TXNRD1: variants seen among roughly 807,000 people sequenced by gnomAD.
The protein encoded by TXNRD1 is thioredoxin reductase 1, cytoplasmic.
TXNRD1 carries 57 observed loss-of-function variants against 80.3 expected under a neutral mutation model. The observed-to-expected ratio is 0.71, with a 90% CI of 0.57 to 0.89. The LOEUF is 0.89. TXNRD1 is among the 40% of genes least tolerant of loss of function. The pLI, the probability that TXNRD1 is intolerant of heterozygous loss-of-function variation, is 0.00. For synonymous variants in TXNRD1, 291 were observed against 285.2 expected, an observed-to-expected ratio of 1.02 and a Z score of -0.20; for missense variants, 730 against 803.0, an observed-to-expected ratio of 0.91 and a Z score of 1.10.
At position 104,287,202 on chromosome 12, in the gene TXNRD1, C is replaced by T. The variant is rs1377694462; in HGVS notation, c.305-1729C>T. The T allele has an allele frequency of 3.1e-6, 5 of 1,594,938 alleles. No individual in the cohort carries two copies. In the East Asian group the frequency reaches 9.0e-5, roughly 29 times the overall value. ...CCTGCCGGCGGGGACGACAGCATTG[C>T]GCCTGGGTGCAGCAGTGTGCGTCTC... On this transcript the variant is annotated intron_variant, in intron 3 of 16. Coordinates refer to ENST00000525566, the MANE Select transcript of TXNRD1 (RefSeq NM_001093771.3).
chr12:104,346,134 T>C (rs558315242), intron 16 of TXNRD1: 1 of 503,078 alleles, frequency 2.0e-6, no homozygotes, highest in South Asian at 1.6e-5. Context: ...TGCCTCAGTC[T>C]CCTGAGTAGC....
At chr12:104,315,170 TG>T (rs2035279997) in intron 6 of TXNRD1, among the ~76,000 whole-genome samples, 1 of 152,184 alleles carries the variant, frequency 6.6e-6, no homozygotes, top group Non-Finnish European at 1.5e-5. Context: ...TGAATTACAA[TG>T]GGGGACTACA....
intron 1 of TXNRD1, among the ~76,000 whole-genome samples, chr12:104,239,656 A>AT (rs113729336): frequency 0.049 from 7,366 of 151,614 alleles, 476 homozygotes; most frequent in African/African-American, 0.15. Flanking sequence ...TAAATTTTGT[A>AT]TTTTTAGTAG....
At chr12:104,239,568 T>C (rs371572676) in intron 1 of TXNRD1, among the ~76,000 whole-genome samples, 2,904 of 152,184 alleles carry the variant, frequency 0.019, 112 homozygotes, top group East Asian at 0.11. Context: ...ATTCCTTTTT[T>C]TTCCCTAGAC....
At chr12:104,231,822 C>T (rs1419418169) in intron 1 of TXNRD1, among the ~76,000 whole-genome samples, 1 of 152,126 alleles carries the variant, frequency 6.6e-6, no homozygotes, top group Non-Finnish European at 1.5e-5. Flanking sequence ...GTTACCCATC[C>T]CTTTTTGTTT....
intron 6 of TXNRD1, among the ~76,000 whole-genome samples, chr12:104,314,291 G>C (rs1457930168): frequency 1.3e-5 from 2 of 152,184 alleles, no homozygotes; most frequent in Non-Finnish European, 2.9e-5. Context: ...GGAGCCATGT[G>C]ATAATATAAG....
At chr12:104,304,087 GC>G (rs762616474) in intron 4 of TXNRD1, 179 of 1,613,866 alleles carry the variant, frequency 1.1e-4, no homozygotes, top group Non-Finnish European at 1.4e-4. Flanking sequence ...TGTACTGCGT[GC>G]GGCAGAACCG....
At chr12:104,269,184 C>G (rs1233513194) in intron 3 of TXNRD1, among the ~76,000 whole-genome samples, 4 of 151,990 alleles carry the variant, frequency 2.6e-5, no homozygotes, top group Non-Finnish European at 4.4e-5. Flanking sequence ...GGATTATAGG[C>G]GTGAACCACT....
intron 5 of TXNRD1, among the ~76,000 whole-genome samples, chr12:104,312,313 G>T (rs1255728620): frequency 6.6e-6 from 1 of 152,142 alleles, no homozygotes; most frequent in African/African-American, 2.4e-5. Context: ...TGAGGCTCCT[G>T]GTTCTGAATC....
intron 16 of TXNRD1, chr12:104,339,513 T>G (rs1026242811): frequency 3.1e-6 from 2 of 640,988 alleles, no homozygotes; most frequent in African/African-American, 3.6e-5. Context: ...GAGCTGTGCC[T>G]TAAATATTTT....
chr12:104,248,348 G>C (rs552426291), intron 1 of TXNRD1, among the ~76,000 whole-genome samples: 1 of 152,140 alleles, frequency 6.6e-6, no homozygotes, highest in African/African-American at 2.4e-5. Flanking sequence ...GCAGTGGTGC[G>C]ATCTTGGCTC....
chr12:104,323,920 A>C (rs1484652886), intron 10 of TXNRD1, among the ~76,000 whole-genome samples: 1 of 152,118 alleles, frequency 6.6e-6, no homozygotes, highest in African/African-American at 2.4e-5. Flanking sequence ...AAATAGGGTT[A>C]CCAGAGTATC....
intron 3 of TXNRD1, chr12:104,265,345 G>C (rs1804304): frequency 6.2e-7 from 1 of 1,609,428 alleles, no homozygotes; most frequent in South Asian, 1.1e-5. Flanking sequence ...GTACAAGGTA[G>C]TGGGTCGCTG....
At chr12:104,265,926 A>T in intron 3 of TXNRD1, 1 of 751,788 alleles carries the variant, frequency 1.3e-6, no homozygotes, top group Non-Finnish European at 2.1e-6. Flanking sequence ...ATCTGGCTGG[A>T]CAAACTGAGC....
intron 4 of TXNRD1, among the ~76,000 whole-genome samples, chr12:104,310,797 G>A (rs998627054): frequency 2.0e-5 from 3 of 152,158 alleles, no homozygotes; most frequent in East Asian, 1.9e-4. Flanking sequence ...CAACTTTCAC[G>A]TTTAACTTTT....
intron 1 of TXNRD1, among the ~76,000 whole-genome samples, chr12:104,249,209 C>A (rs1053670117): frequency 1.6e-4 from 24 of 152,288 alleles, no homozygotes; most frequent in African/African-American, 5.8e-4. Flanking sequence ...TCAGTAGGTA[C>A]CTTCTTGCTG....
chr12:104,278,184 A>C (rs1256982904), intron 3 of TXNRD1, among the ~76,000 whole-genome samples: 1 of 110,948 alleles, frequency 9.0e-6, no homozygotes, highest in Non-Finnish European at 1.8e-5. Context: ...GCCTCTGATC[A>C]AATTCTTTTT....
rs1240117339 is a variant in TXNRD1, at chr12:104,297,356, A to T, written c.414+8316A>T. Among the ~76,000 whole-genome samples the T allele has an allele frequency of 4.0e-5, 6 of 151,062 alleles. No homozygotes were observed. The East Asian group carries it at 9.7e-4, about 24-fold the overall frequency. On this transcript the variant is annotated intron_variant, in intron 4 of 16. Coordinates refer to ENST00000525566, the MANE Select transcript of TXNRD1 (RefSeq NM_001093771.3). ...CAAACACTTGTTGACAAATAAATTT[A>T]TATTTATTTATTTATTTATTTAGTT...
At chr12:104,269,911 A>T (rs1042695460) in intron 3 of TXNRD1, among the ~76,000 whole-genome samples, 3 of 151,872 alleles carry the variant, frequency 2.0e-5, no homozygotes, top group Admixed American at 2.0e-4. Context: ...ACAGGGTCCC[A>T]CTATGTTGCC....
Sources: gnomAD v4.1 joint callset for allele counts (sites outside exome capture counted in the v4.1 genomes callset) on GRCh38, gnomAD v4.1.1 for gene constraint, MANE v1.5 for transcripts, NCBI Gene and HGNC (gene_info 2026-07-23, HGNC 2026-07-21) for gene names.